The following TBC1D19 variants were observed in gnomAD, a reference collection of about 807,000 sequenced individuals.
The protein encoded by TBC1D19 is TBC1 domain family member 19.
In TBC1D19, 60 loss-of-function variants were observed where a neutral mutation model predicts 89.0. That is an observed-to-expected ratio of 0.67 (90% confidence interval 0.55 to 0.84). The LOEUF is 0.84. Ranked by LOEUF, TBC1D19 falls within the 40% of genes least tolerant of loss-of-function variation. The probability of loss-of-function intolerance (pLI) is 0.00; values close to 1 mark genes in which losing one functional copy is unlikely to be tolerated. For synonymous variants in TBC1D19, 189 were observed against 199.7 expected (o/e 0.95, Z 0.45); for missense variants, 500 against 610.8 (o/e 0.82, Z 1.91).
At chr4:26,819,842 C>T in the TBC1D19 span, among the ~76,000 whole-genome samples, 2 of 152,166 alleles carry the variant, frequency 1.3e-5, no homozygotes, top group Non-Finnish European at 2.9e-5. Context: ...CTTGCTATTC[C>T]TCAAGCTACT....
rs144028227 is a variant in TBC1D19 at position 26,670,573 on chromosome 4, T to C, written c.665-1576T>C. On this transcript the variant is annotated intron_variant, in intron 9 of 20. Transcript: ENST00000264866. ...TGACTGCTAATTTTTAAATAACTTT[T>C]ATAGAAGTACAACATACATACTGGA... 6.6e-5 allele frequency among the ~76,000 whole-genome samples: 10 copies of C among 151,880 alleles called. No homozygotes were observed. In the East Asian group the frequency reaches 1.9e-3, roughly 29 times the overall value.
chr4:26,720,020 T>A (rs1045579550), intron 14 of TBC1D19, 61 bp from the exon 15 acceptor site: 3 of 1,403,836 alleles, frequency 2.1e-6, no homozygotes, highest in Non-Finnish European at 2.9e-6. Flanking sequence ...ACAAAATAAG[T>A]TGATTTTTAA....
chr4:26,709,454 T>C (rs1379167215), intron 13 of TBC1D19, among the ~76,000 whole-genome samples: 4 of 152,014 alleles, frequency 2.6e-5, no homozygotes, highest in African/African-American at 9.7e-5. Flanking sequence ...CAGTGTTTCC[T>C]TCCTCCGATC....
At chr4:26,678,556 T>C (rs1212189474) in intron 11 of TBC1D19, among the ~76,000 whole-genome samples, 1 of 151,438 alleles carries the variant, frequency 6.6e-6, no homozygotes, top group Non-Finnish European at 1.5e-5. Flanking sequence ...TCAGATGACA[T>C]AGACAAATGG....
intron 20 of TBC1D19, chr4:26,754,325 C>G (rs1035678146): frequency 1.9e-5 from 3 of 159,208 alleles, no homozygotes; most frequent in Admixed American, 1.2e-4. Flanking sequence ...TTATTTAAAG[C>G]TGATTTCTTT....
intron 11 of TBC1D19, among the ~76,000 whole-genome samples, chr4:26,682,290 T>C (rs1189227476): frequency 6.6e-6 from 1 of 152,132 alleles, no homozygotes; most frequent in African/African-American, 2.4e-5. Context: ...AATTTTGCTT[T>C]AGTTAAAAAA....
At chr4:26,771,539 C>T in the TBC1D19 span, among the ~76,000 whole-genome samples, 1 of 152,132 alleles carries the variant, frequency 6.6e-6, no homozygotes, top group Non-Finnish European at 1.5e-5. Context: ...ACCTTGATGA[C>T]ATTATACTAT....
At chr4:26,631,636 T>C (rs1742812896) in intron 4 of TBC1D19, among the ~76,000 whole-genome samples, 1 of 152,128 alleles carries the variant, frequency 6.6e-6, no homozygotes, top group East Asian at 1.9e-4. Context: ...GTTCCTGCTT[T>C]AATTGTGTAG....
chr4:26,725,021 A>T (rs1029671333), intron 15 of TBC1D19, among the ~76,000 whole-genome samples: 3 of 152,230 alleles, frequency 2.0e-5, no homozygotes, highest in Non-Finnish European at 2.9e-5. Flanking sequence ...AAATAAAATG[A>T]AGGCAATCTC....
rs191197488 is a variant in TBC1D19 at position 26,633,778 on chromosome 4, T to C, written c.295-3433T>C. Among the ~76,000 whole-genome samples the C allele has an allele frequency of 3.3e-5, 5 of 152,294 alleles. No individual in the cohort carries two copies. The East Asian group carries it at 7.7e-4, about 23-fold the overall frequency. ...AAACCCGTTCAGCCAGATATCCTTT[T>C]TCCTCAATGATTTTAATGGCATCGG... On this transcript the variant is annotated intron_variant, in intron 4 of 20. Coordinates refer to ENST00000264866, the MANE Select transcript of TBC1D19 (RefSeq NM_018317.4).
the TBC1D19 span, among the ~76,000 whole-genome samples, chr4:26,801,889 G>A: frequency 6.6e-6 from 1 of 152,122 alleles, no homozygotes; most frequent in African/African-American, 2.4e-5. Context: ...CTCTGATCAG[G>A]TGAAAAAATG....
the TBC1D19 span, among the ~76,000 whole-genome samples, chr4:26,811,144 A>T: frequency 6.6e-6 from 1 of 152,248 alleles, no homozygotes; most frequent in Admixed American, 6.5e-5. Context: ...AGAAAAGGTT[A>T]CACATATACA....
chr4:26,723,994 C>A (rs1717141270), intron 15 of TBC1D19, among the ~76,000 whole-genome samples: 1 of 152,164 alleles, frequency 6.6e-6, no homozygotes, highest in Non-Finnish European at 1.5e-5. Context: ...ATCAAGTAGT[C>A]AGGAAAGGTG....
At chr4:26,813,946 C>T in the TBC1D19 span, among the ~76,000 whole-genome samples, 1 of 152,262 alleles carries the variant, frequency 6.6e-6, no homozygotes, top group Non-Finnish European at 1.5e-5. Context: ...CTCCTCATGC[C>T]AGCTCCTGCC....
At chr4:26,826,918 G>A in the TBC1D19 span, among the ~76,000 whole-genome samples, 4 of 152,172 alleles carry the variant, frequency 2.6e-5, no homozygotes, top group Admixed American at 6.5e-5. Context: ...CCTCCCAGCC[G>A]TGCAGTTCAA....
chr4:26,806,411 C>T, the TBC1D19 span, among the ~76,000 whole-genome samples: 1 of 152,238 alleles, frequency 6.6e-6, no homozygotes, highest in Non-Finnish European at 1.5e-5. Flanking sequence ...TTTAAATGTA[C>T]ACTGAATAGT....
At chr4:26,632,498 T>C (rs1260011026) in intron 4 of TBC1D19, among the ~76,000 whole-genome samples, 1 of 151,978 alleles carries the variant, frequency 6.6e-6, no homozygotes, top group African/African-American at 2.4e-5. Flanking sequence ...TTCATCTAAA[T>C]GATCATAAAT....
chr4:26,756,807 A>G (rs1719278962), downstream of TBC1D19, among the ~76,000 whole-genome samples: 1 of 152,164 alleles, frequency 6.6e-6, no homozygotes, highest in African/African-American at 2.4e-5. Context: ...GTTTAAGACT[A>G]TGTCTGTAAA....
intron 13 of TBC1D19, among the ~76,000 whole-genome samples, chr4:26,700,657 A>T (rs777106728): frequency 4.6e-5 from 7 of 152,132 alleles, no homozygotes; most frequent in Non-Finnish European, 8.8e-5. Flanking sequence ...CTTTTATCTC[A>T]AGAGTTATTA....
Sources: gnomAD v4.1 joint callset for allele counts (sites outside exome capture counted in the v4.1 genomes callset) on GRCh38, gnomAD v4.1.1 for gene constraint, MANE v1.5 for transcripts, NCBI Gene and HGNC (gene_info 2026-07-23, HGNC 2026-07-21) for gene names.